Variants in CCNL1 observed in about 807,000 individuals in gnomAD.
CCNL1 encodes cyclin-L1.
A neutral mutation model predicts 60.6 loss-of-function variants in CCNL1; 13 were observed. That is an observed-to-expected ratio of 0.21 (90% CI 0.14 to 0.34). The LOEUF is 0.34. Ranked by LOEUF, CCNL1 falls within the 10% of genes least tolerant of loss-of-function variation. The pLI, the probability that CCNL1 is intolerant of heterozygous loss-of-function variation, is 1.00. For missense variants in CCNL1, 481 were observed against 664.3 expected, an observed-to-expected ratio of 0.72 and a Z score of 3.03; for synonymous variants, 270 against 244.3, an observed-to-expected ratio of 1.10 and a Z score of -0.98.
rs1201520122 is a variant in CCNL1, at chr3:157,157,169, G to A, written c.488+1697C>T. On this transcript the variant is annotated intron_variant, in intron 3 of 10. Transcript: ENST00000295926. ...CTTGAGTAAACTTGTAATATGCATA[G>A]AAACACTTTTACATCCTGCTTTAAA... 3.7e-5 allele frequency: 43 copies of A among 1,159,468 alleles called. 1 individual carries two copies. The Admixed American group carries it at 9.7e-4, about 26-fold the overall frequency. The allele number at this position is 1,159,468 out of a possible 1,614,324, so 71.8% of individuals were successfully genotyped here.
Position 157,148,389 on chromosome 3 carries a change from G to A in CCNL1, c.1433C>T (p.Ser478Phe). The A allele has an allele frequency of 3.7e-6, 6 of 1,614,142 alleles. No individual in the cohort carries two copies. Among genetic ancestry groups the A allele is most frequent in the Non-Finnish European group, 5.1e-6 (6 of 1,180,014 alleles). ...KKSRSRSQSK[S>F]RDHSDAAKKH... ...CTTGGCTGCATCTGAGTGATCCCGAGACTTGCTCTGAGATCGAGAACGAGA... is the reference window on the plus strand; with the variant it reads ...CTTGGCTGCATCTGAGTGATCCCGAAACTTGCTCTGAGATCGAGAACGAGA... The change falls in exon 11 of 11, where the codon TCT becomes TTT. Residue 478 changes from serine (S) to phenylalanine (F), a missense_variant. Around this residue, in one of 5 missense-constraint regions of CCNL1, gnomAD observed 197 missense variants for 233.9 expected, o/e 0.84. Coordinates refer to ENST00000295926, the MANE Select transcript of CCNL1 (RefSeq NM_020307.4).
chr3:157,157,761 T>C (rs190036669), intron 3 of CCNL1, among the ~76,000 whole-genome samples: 86 of 152,350 alleles, frequency 5.6e-4, no homozygotes, highest in African/African-American at 1.9e-3. Context: ...TTGACTAGGA[T>C]ACTCTTTTTT....
chr3:157,148,016 G>A lies in CCNL1; in HGVS notation c.*225C>T, dbSNP rs1737864061. On this transcript the variant is annotated 3_prime_UTR_variant, in exon 11 of 11. Transcript: ENST00000295926. ...TACACAACTATAATAAAGTACAATT[G>A]AACCTGACCATGGTTTTTAATTAGA... 7.6e-7 allele frequency: 1 copy of A among 1,307,834 alleles called. No individual in the cohort carries two copies. Among genetic ancestry groups the A allele is most frequent in the Non-Finnish European group, 9.7e-7 (1 of 1,031,452 alleles). The allele number at this position is 1,307,834 out of a possible 1,614,324, so 81.0% of individuals were successfully genotyped here.
chr3:157,152,704 T>TA (rs1738287270), intron 4 of CCNL1: 1 of 1,123,722 alleles, frequency 8.9e-7, no homozygotes, highest in African/African-American at 1.7e-5. Flanking sequence ...GTGTGCCAGA[T>TA]ACTTTTGTAG....
chr3:157,160,115 A>T lies in CCNL1; in HGVS notation c.-21T>A. 3 of 1,532,312 alleles carry T rather than the reference A, an allele frequency of 2.0e-6. No homozygotes were observed. Among genetic ancestry groups the T allele is most frequent in the Non-Finnish European group, 2.6e-6 (3 of 1,136,924 alleles). The allele number at this position is 1,532,312 out of a possible 1,614,324, so 94.9% of individuals were successfully genotyped here. A position where few individuals can be genotyped will look rare whatever the true frequency, so the allele number is the denominator to read the frequency against. Reference sequence around the variant, plus strand: ...GCCATAGTCTTAGCGAGCCGCACGCAAGCCCAACGCAGCCGGAACCCGAAA... The same window carrying T: ...GCCATAGTCTTAGCGAGCCGCACGCTAGCCCAACGCAGCCGGAACCCGAAA... On this transcript the variant is annotated 5_prime_UTR_variant, in exon 1 of 11. Transcript: ENST00000295926.
Position 157,152,822 on chromosome 3 carries a change from T to C in CCNL1, c.609+214A>G. 5 of 1,298,600 alleles carry C rather than the reference T, an allele frequency of 3.9e-6. No individual in the cohort carries two copies. The East Asian group carries it at 1.7e-4, about 45-fold the overall frequency. The allele number at this position is 1,298,600 out of a possible 1,614,324, so 80.4% of individuals were successfully genotyped here. On this transcript the variant is annotated intron_variant, in intron 4 of 10. Transcript: ENST00000295926. ...AAATAACTTCTCTATGAGCACACAA[T>C]TAAGATTTAAGATTTGAACCTACAT... is the stretch of plus-strand genomic sequence containing the variant.
At position 157,158,889 on chromosome 3, in the gene CCNL1, G is replaced by A; in HGVS notation, c.465C>T (p.His155=). The part of the protein sequence containing the change: ...RIRDVINVFH[H]LRQLRGKRTP... Reference sequence around the variant, plus strand: ...ACCTTTTTCCTCTTAACTGGCGGAGGTGGTGGAATACATTAATCACATCTC... The same window carrying A: ...ACCTTTTTCCTCTTAACTGGCGGAGATGGTGGAATACATTAATCACATCTC... Residue 155 remains histidine (H), a synonymous_variant, in exon 3 of 11, where the codon CAC becomes CAT. Transcript: ENST00000295926. 1 of 1,611,784 alleles carries A rather than the reference G, an allele frequency of 6.2e-7. No homozygotes were observed. The highest frequency in any genetic ancestry group is 2.2e-5 in the East Asian group (1 of 44,854).
chr3:157,157,837 T>C (rs1428133784), intron 3 of CCNL1, among the ~76,000 whole-genome samples: 1 of 152,216 alleles, frequency 6.6e-6, no homozygotes, highest in African/African-American at 2.4e-5. Context: ...TAATATTTGC[T>C]TGTCTGAATA....
intron 8 of CCNL1, 82 bp downstream of exon 8, chr3:157,149,754 T>A (rs568779111): frequency 1.0e-5 from 16 of 1,535,750 alleles, no homozygotes; most frequent in Non-Finnish European, 1.1e-5. Flanking sequence ...TTTTTCTCTA[T>A]GCAACTTTCA....
chr3:157,159,009 T>A, intron 2 of CCNL1, 34 bp from the exon 3 acceptor site: 1 of 1,392,502 alleles, frequency 7.2e-7, no homozygotes, highest in South Asian at 1.2e-5. Flanking sequence ...AAGCCATTGT[T>A]AGATTAAACT....
rs1386522102 is a variant in CCNL1 at position 157,159,482 on chromosome 3, G to A, written c.304-3C>T. The A allele has an allele frequency of 1.9e-6, 3 of 1,603,434 alleles. No individual in the cohort carries two copies. The highest frequency in any genetic ancestry group is 1.3e-5 in the African/African-American group (1 of 74,316). On this transcript the variant is annotated splice_region_variant and splice_polypyrimidine_tract_variant and intron_variant, in intron 1 of 10. Transcript: ENST00000295926. ...ACCTGCCCCGTTGCCATCGCCACCT[G>A]CAGACAAGAGAGGAGAACGGAAGCG...
chr3:157,159,004 ATT>A, intron 2 of CCNL1, 29 bp from the exon 3 acceptor site: 1 of 1,456,462 alleles, frequency 6.9e-7, no homozygotes, highest in Non-Finnish European at 9.6e-7. Flanking sequence ...CACAAAAGCC[ATT>A]GTTAGATTAA....
Position 157,159,474 on chromosome 3 carries a change from C to T in CCNL1, c.309G>A (p.Ala103=). ...AGILLRLPQV[A]MATGQVLFHR... ...GAAACAACACCTGCCCCGTTGCCATCGCCACCTGCAGACAAGAGAGGAGAA... is the reference window on the plus strand; with the variant it reads ...GAAACAACACCTGCCCCGTTGCCATTGCCACCTGCAGACAAGAGAGGAGAA... The change falls in exon 2 of 11, where the codon GCG becomes GCA. Residue 103 remains alanine (A), a synonymous_variant. Transcript: ENST00000295926. 1.2e-6 allele frequency: 2 copies of T among 1,606,500 alleles called. No individual in the cohort carries two copies. The highest frequency in any genetic ancestry group is 1.7e-6 in the Non-Finnish European group (2 of 1,176,586).
chr3:157,154,120 T>C (rs189994129), intron 3 of CCNL1: 25 of 152,334 alleles, frequency 1.6e-4, no homozygotes, highest in African/African-American at 5.5e-4. Flanking sequence ...GCTTTAAAAG[T>C]AGCACATTCA....
Position 157,159,780 on chromosome 3 carries a change from C to A in CCNL1, c.303+12G>T. The A allele has an allele frequency of 1.3e-6, 2 of 1,524,730 alleles. No homozygotes were observed. The highest frequency in any genetic ancestry group is 1.2e-5 in the South Asian group (1 of 82,494). 94.5% of individuals were successfully genotyped at this position (1,524,730 alleles called of 1,614,324 possible). On this transcript the variant is annotated intron_variant, in intron 1 of 10. Transcript: ENST00000295926. ...GAGGAGCGCCCGGCCGGCCCGGGGC[C>A]GGAGCACTGACCTGCGGCAGCCGGA...
chr3:157,143,707 G>A (rs1459544189), downstream of CCNL1, among the ~76,000 whole-genome samples: 2 of 152,148 alleles, frequency 1.3e-5, no homozygotes, highest in Non-Finnish European at 2.9e-5. Flanking sequence ...ACTTAGAAGG[G>A]GTGGTGAAAG....
At chr3:157,150,540 C>G in intron 5 of CCNL1, 159 bp from the exon 6 acceptor site, 1 of 1,377,100 alleles carries the variant, frequency 7.3e-7, no homozygotes, top group Non-Finnish European at 9.4e-7. Context: ...TCAAAAAAAT[C>G]AGTAAGCAAT....
At chr3:157,151,373 C>G in intron 5 of CCNL1, 1 of 985,860 alleles carries the variant, frequency 1.0e-6, no homozygotes, top group Non-Finnish European at 1.2e-6. Flanking sequence ...AATAAGCCAG[C>G]ACTCCAAATC....
At chr3:157,151,918 A>T in intron 5 of CCNL1, 1 of 1,276,126 alleles carries the variant, frequency 7.8e-7, no homozygotes, top group Non-Finnish European at 1.0e-6. Flanking sequence ...ATGACTTACC[A>T]TCATGGACTA....
Sources: allele counts gnomAD v4.1 joint callset (sites outside exome capture counted in the v4.1 genomes callset), GRCh38; gene constraint gnomAD v4.1.1; regional missense constraint gnomAD v4.1.1; transcripts MANE v1.5; gene names NCBI Gene and HGNC (gene_info 2026-07-23, HGNC 2026-07-21).